Variants in SUPT3H observed in about 807,000 individuals in gnomAD.
SUPT3H encodes SPT3 homolog, SAGA and STAGA complex component, also known as transcription initiation protein SPT3 homolog.
SUPT3H carries 44 observed loss-of-function variants against 44.3 expected under a neutral mutation model. That is an observed-to-expected ratio of 0.99 (90% CI 0.78 to 1.28). The LOEUF (loss-of-function observed/expected upper bound fraction) is 1.28. Among genes scored for constraint, SUPT3H ranks in the 50% most tolerant of loss-of-function variants. The pLI, the probability that SUPT3H is intolerant of heterozygous loss-of-function variation, is 0.00. For missense variants in SUPT3H, 380 were observed against 387.1 expected, an observed-to-expected ratio of 0.98 and a Z score of 0.15; for synonymous variants, 124 against 125.6, an observed-to-expected ratio of 0.99 and a Z score of 0.09.
intron 2 of SUPT3H, among the ~76,000 whole-genome samples, chr6:45,241,749 C>T (rs28561543): frequency 0.056 from 8,538 of 151,898 alleles, 346 homozygotes; most frequent in Non-Finnish European, 0.081. Flanking sequence ...CAAGAAAGTA[C>T]ATGACCAATG....
At position 45,103,882 on chromosome 6, in the gene SUPT3H, G is replaced by C. The variant is rs114497453; in HGVS notation, c.186+2040C>G. ...CATACAGGGGAACAAATGAATAACAGTTAACTTGTAACAGAAACTAATGTA... is the reference window on the plus strand; with the variant it reads ...CATACAGGGGAACAAATGAATAACACTTAACTTGTAACAGAAACTAATGTA... On this transcript the variant is annotated intron_variant, in intron 3 of 10. Transcript: ENST00000371459. 2.6e-3 allele frequency among the ~76,000 whole-genome samples: 390 copies of C among 152,192 alleles called. 3 individuals carry two copies. The highest frequency in any genetic ancestry group is 8.6e-3 in the African/African-American group (356 of 41,536).
In SUPT3H at chr6:44,840,604, T is replaced by C. The variant is rs556600921; in HGVS notation, c.913-10747A>G. Among the ~76,000 whole-genome samples, 309 of 152,360 alleles carry C rather than the reference T, an allele frequency of 2.0e-3. 2 individuals are homozygous for C. Among genetic ancestry groups the C allele is most frequent in the South Asian group, 0.016 (79 of 4,826 alleles). ...GAACATCCTACTTCTAGTGGGATTT[T>C]GTTTGGCAAAGGTCTGTGAAAGAGT... On this transcript the variant is annotated intron_variant, in intron 10 of 10. Coordinates refer to ENST00000371459, the MANE Select transcript of SUPT3H (RefSeq NM_003599.4).
rs142647908 is a variant in SUPT3H, at chr6:45,155,404, G to A, written c.102-49398C>T. Among the ~76,000 whole-genome samples the A allele has an allele frequency of 2.6e-4, 39 of 152,260 alleles. No homozygotes were observed. In the East Asian group the frequency reaches 7.2e-3, roughly 28 times the overall value. ...CCTTTTATGTGGGGGAAAGGGAGAT[G>A]AGGGAAGGGGCTGATGTGGGCAGCA... is the stretch of plus-strand genomic sequence containing the variant. On this transcript the variant is annotated intron_variant, in intron 2 of 10. Transcript: ENST00000371459.
rs78642192 is a variant in SUPT3H, at chr6:45,127,088, G to C, written c.102-21082C>G. Among the ~76,000 whole-genome samples, 595 of 152,214 alleles carry C rather than the reference G, an allele frequency of 3.9e-3. 7 individuals carry two copies. The highest frequency in any genetic ancestry group is 0.014 in the African/African-American group (567 of 41,522). ...CCCAGCACTTTGTGAGGCCAAGACG[G>C]GCAGATCATGAGGTCAGGAGTTCGA... On this transcript the variant is annotated intron_variant, in intron 2 of 10. Transcript: ENST00000371459.
At chr6:45,175,007 G>A (rs1200200769) in intron 2 of SUPT3H, among the ~76,000 whole-genome samples, 1 of 85,424 alleles carries the variant, frequency 1.2e-5, no homozygotes, top group Non-Finnish European at 2.1e-5. Context: ...GTGAGCCCTC[G>A]TCACTAAAAA....
intron 10 of SUPT3H, among the ~76,000 whole-genome samples, chr6:44,865,962 G>A (rs772140472): frequency 6.6e-6 from 1 of 152,192 alleles, no homozygotes; most frequent in Non-Finnish European, 1.5e-5. Flanking sequence ...GGGAGAACTT[G>A]CAGTGAGGGA....
chr6:44,864,361 G>A (rs907887500), intron 10 of SUPT3H, among the ~76,000 whole-genome samples: 6 of 152,196 alleles, frequency 3.9e-5, no homozygotes, highest in Admixed American at 2.6e-4. Context: ...GAGTCTGGAG[G>A]ATGGTGACCC....
At chr6:45,169,441 T>C (rs1212438009) in intron 2 of SUPT3H, among the ~76,000 whole-genome samples, 2 of 152,170 alleles carry the variant, frequency 1.3e-5, no homozygotes, top group Admixed American at 6.5e-5. Flanking sequence ...GATCCAACTG[T>C]ATGCAGCACT....
intron 10 of SUPT3H, among the ~76,000 whole-genome samples, chr6:44,831,308 T>C (rs575722835): frequency 1.3e-5 from 2 of 152,104 alleles, no homozygotes; most frequent in East Asian, 3.9e-4. Flanking sequence ...CCATGGGGCT[T>C]TTTGTGTTGT....
At chr6:44,840,744 CT>C (rs1172241283) in intron 10 of SUPT3H, among the ~76,000 whole-genome samples, 2 of 152,110 alleles carry the variant, frequency 1.3e-5, no homozygotes, top group African/African-American at 4.8e-5. Flanking sequence ...TAGTGGTTTC[CT>C]TTTGTGATTT....
intron 10 of SUPT3H, among the ~76,000 whole-genome samples, chr6:44,923,791 T>G (rs1769100280): frequency 6.6e-6 from 1 of 152,020 alleles, no homozygotes; most frequent in African/African-American, 2.4e-5. Flanking sequence ...ATAAGATCTC[T>G]CTTCCCTTCT....
chr6:45,240,585 T>A (rs1656549191), intron 2 of SUPT3H, among the ~76,000 whole-genome samples: 1 of 152,246 alleles, frequency 6.6e-6, no homozygotes, highest in African/African-American at 2.4e-5. Flanking sequence ...AAGATTGCAT[T>A]ACAGAACAGG....
At position 45,037,304 on chromosome 6, in the gene SUPT3H, GA is replaced by G. The variant is rs969433623; in HGVS notation, c.187-16673del. ...ATGGAGGGAGAAAAGAAAAGATGCA[GA>G]AAAAAAAAGAAAAGAAGAGACTATG... On this transcript the variant is annotated intron_variant, in intron 3 of 10. Transcript: ENST00000371459. 2.5e-4 allele frequency among the ~76,000 whole-genome samples: 37 copies of G among 148,284 alleles called. 1 individual carries two copies. Among genetic ancestry groups the G allele is most frequent in the Admixed American group, 2.7e-4 (4 of 14,880 alleles).
rs1285138996 is a variant in SUPT3H at position 45,230,969 on chromosome 6, C to G, written c.102-124963G>C. Among the ~76,000 whole-genome samples the G allele has an allele frequency of 2.6e-5, 4 of 152,122 alleles. No individual in the cohort carries two copies. The East Asian group carries it at 5.8e-4, about 22-fold the overall frequency. Reference sequence around the variant, plus strand: ...TACAGGCGTGAGCCACTGCGCCCAGCCAATCTATATCTTTTAAGAATTTAA... The same window carrying G: ...TACAGGCGTGAGCCACTGCGCCCAGGCAATCTATATCTTTTAAGAATTTAA... On this transcript the variant is annotated intron_variant, in intron 2 of 10. Transcript: ENST00000371459.
intron 2 of SUPT3H, among the ~76,000 whole-genome samples, chr6:45,184,264 C>G (rs868773178): frequency 6.6e-6 from 1 of 152,084 alleles, no homozygotes; most frequent in Non-Finnish European, 1.5e-5. Flanking sequence ...GAAGTGTATG[C>G]TTAAAAATGG....
At chr6:44,841,397 A>G (rs1349903175) in intron 10 of SUPT3H, among the ~76,000 whole-genome samples, 3 of 152,130 alleles carry the variant, frequency 2.0e-5, no homozygotes, top group African/African-American at 7.2e-5. Flanking sequence ...CACCAAAACT[A>G]TTTTTTTAAA....
intron 2 of SUPT3H, among the ~76,000 whole-genome samples, chr6:45,282,745 A>T (rs1778396387): frequency 6.6e-6 from 1 of 152,192 alleles, no homozygotes; most frequent in African/African-American, 2.4e-5. Context: ...CGCCACAAAG[A>T]TACTCCTCGA....
intron 3 of SUPT3H, among the ~76,000 whole-genome samples, chr6:45,101,298 G>A (rs1798537781): frequency 6.6e-6 from 1 of 152,188 alleles, no homozygotes; most frequent in African/African-American, 2.4e-5. Context: ...GGTGGCGCAT[G>A]CCTGTAATCC....
At chr6:45,130,723 T>G (rs1219882648) in intron 2 of SUPT3H, among the ~76,000 whole-genome samples, 1 of 141,412 alleles carries the variant, frequency 7.1e-6, no homozygotes, top group Non-Finnish European at 1.5e-5. Context: ...TTTTTTTTTT[T>G]TTTTTTTTTT....
Sources: allele counts gnomAD v4.1 joint callset (sites outside exome capture counted in the v4.1 genomes callset), GRCh38; gene constraint gnomAD v4.1.1; transcripts MANE v1.5; gene names NCBI Gene and HGNC (gene_info 2026-07-23, HGNC 2026-07-21).